The following HMCN2 variants were observed in gnomAD, a reference collection of about 807,000 sequenced individuals.
HMCN2 encodes hemicentin-2.
In HMCN2, 325 loss-of-function variants were observed where a neutral mutation model predicts 377.5. The ratio of observed to expected loss-of-function variants is 0.86; its 90% CI spans 0.79 to 0.94. The LOEUF (loss-of-function observed/expected upper bound fraction) is 0.94. HMCN2 is among the 40% of genes least tolerant of loss of function. The pLI, the probability that HMCN2 is intolerant of heterozygous loss-of-function variation, is 0.00. For synonymous variants in HMCN2, 2,007 were observed against 2,046.8 expected (o/e 0.98, Z 0.53); for missense variants, 4,543 against 4,725.3 (o/e 0.96, Z 1.13).
chr9:130,395,243 C>G lies in HMCN2; in HGVS notation c.10807C>G (p.Arg3603Gly). 1.6e-6 allele frequency: 2 copies of G among 1,289,394 alleles called. No individual in the cohort carries two copies. Among genetic ancestry groups the G allele is most frequent in the Non-Finnish European group, 2.0e-6 (2 of 988,680 alleles). The allele number at this position is 1,289,394 out of a possible 1,614,324, so 79.9% of individuals were successfully genotyped here. ...AAACATTGTTGGGCCCCGAGGCCCCCGCTTTGTGGTCGGCCTGGCCCCAGG... is the reference window on the plus strand; with the variant it reads ...AAACATTGTTGGGCCCCGAGGCCCCGGCTTTGTGGTCGGCCTGGCCCCAGG... ...PPNIVGPRGP[R>G]FVVGLAPGQL... The change falls in exon 71 of 98, where the codon CGC (arginine) becomes GGC (glycine). Residue 3603 changes from arginine (R) to glycine (G), a missense_variant. By Grantham distance (125) the Arg-to-Gly change is moderately radical. Coordinates refer to ENST00000683500, the MANE Select transcript of HMCN2 (RefSeq NM_001291815.2).
In HMCN2 at chr9:130,304,418, T is replaced by G. The variant is rs1380550226; in HGVS notation, c.1544-312T>G. Among the ~76,000 whole-genome samples the G allele has an allele frequency of 6.6e-6, 1 of 152,216 alleles. No individual in the cohort carries two copies. The highest frequency in any genetic ancestry group is 1.5e-5 in the Non-Finnish European group (1 of 68,036). On this transcript the variant is annotated intron_variant, in intron 10 of 97. Coordinates refer to ENST00000683500, the MANE Select transcript of HMCN2 (RefSeq NM_001291815.2). The surrounding 1 kb of genome is among the most constrained non-coding windows in gnomAD (Gnocchi z 4.3). ...AGGCTTTATTCCTCAGCGTGGCATC[T>G]TCAGCTCGGAGGCATGAAGATGGGT...
At chr9:130,420,020 T>G (rs1369953151) in intron 86 of HMCN2, among the ~76,000 whole-genome samples, 1 of 151,372 alleles carries the variant, frequency 6.6e-6, no homozygotes, top group Non-Finnish European at 1.5e-5. Flanking sequence ...GAGTTAGCCT[T>G]GGGTCTAAGC....
chr9:130,351,580 G>C lies in HMCN2; in HGVS notation c.4585+3G>C, dbSNP rs1203716357. The C allele has an allele frequency of 7.7e-7, 1 of 1,301,350 alleles. No individual in the cohort carries two copies. Among genetic ancestry groups the C allele is most frequent in the Non-Finnish European group, 1.0e-6 (1 of 987,032 alleles). 80.6% of individuals were successfully genotyped at this position (1,301,350 alleles called of 1,614,324 possible). A position where few individuals can be genotyped will look rare whatever the true frequency, so the allele number is the denominator to read the frequency against. Reference sequence around the variant, plus strand: ...GGACTTCCAGCTCCGAGTTCATGGTGAGCCCCCACGCCTTCTGGGACCCCG... The same window carrying C: ...GGACTTCCAGCTCCGAGTTCATGGTCAGCCCCCACGCCTTCTGGGACCCCG... On this transcript the variant is annotated splice_donor_region_variant and intron_variant, in intron 30 of 97. Coordinates refer to ENST00000683500, the MANE Select transcript of HMCN2 (RefSeq NM_001291815.2). The surrounding 1 kb of genome is among the most constrained non-coding windows in gnomAD (Gnocchi z 5.4).
At chr9:130,396,575 C>T (rs1308327497) in intron 73 of HMCN2, among the ~76,000 whole-genome samples, 1 of 152,198 alleles carries the variant, frequency 6.6e-6, no homozygotes, top group African/African-American at 2.4e-5. Context: ...CTCTCAGCTT[C>T]TCTCTGTGTA....
chr9:130,418,770 A>T lies in HMCN2; in HGVS notation c.12962-2A>T. ...CCTAAAAGCCACCTGGGCCTCCCAC[A>T]GGTGCTCCGGTGTTCCAGGTGGAGC... On this transcript the variant is annotated splice_acceptor_variant, in intron 85 of 97. Coordinates refer to ENST00000683500, the MANE Select transcript of HMCN2 (RefSeq NM_001291815.2). LOFTEE classifies it high-confidence loss of function. 1.4e-6 allele frequency: 2 copies of T among 1,412,356 alleles called. No homozygotes were observed. Among genetic ancestry groups the T allele is most frequent in the Non-Finnish European group, 1.9e-6 (2 of 1,074,318 alleles). 87.5% of individuals were successfully genotyped at this position (1,412,356 alleles called of 1,614,324 possible).
Position 130,304,669 on chromosome 9 carries a change from G to C in HMCN2, c.1544-61G>C, listed in dbSNP as rs139809772. ...GGGGTTCTGGGCAGCACCAGGGCTT[G>C]CACGATGACCCCCTCCCTTGCCTCA... is the stretch of plus-strand genomic sequence containing the variant. On this transcript the variant is annotated intron_variant, in intron 10 of 97. Transcript: ENST00000683500. The surrounding 1 kb of genome is among the most constrained non-coding windows in gnomAD (Gnocchi z 4.3). 2.4e-6 allele frequency: 1 copy of C among 415,386 alleles called. No individual in the cohort carries two copies. Among genetic ancestry groups the C allele is most frequent in the East Asian group, 7.2e-5 (1 of 13,848 alleles). 25.7% of individuals were successfully genotyped at this position (415,386 alleles called of 1,614,324 possible).
intron 75 of HMCN2, 21 bp downstream of exon 75, chr9:130,398,728 G>T (rs934670076): frequency 3.0e-5 from 39 of 1,286,228 alleles, no homozygotes; most frequent in Non-Finnish European, 4.0e-5. Flanking sequence ...GGACTTTGCG[G>T]TGGCTTCCTG....
chr9:130,376,723 A>C lies in HMCN2; in HGVS notation c.8061+65A>C, dbSNP rs956197453. 5.2e-6 allele frequency: 5 copies of C among 963,672 alleles called. No homozygotes were observed. The Admixed American group carries it at 1.8e-4, about 36-fold the overall frequency. 59.7% of individuals were successfully genotyped at this position (963,672 alleles called of 1,614,324 possible). A position where few individuals can be genotyped will look rare whatever the true frequency, so the allele number is the denominator to read the frequency against. On this transcript the variant is annotated intron_variant, in intron 52 of 97. Transcript: ENST00000683500. Reference sequence around the variant, plus strand: ...TCTGCTTCCGGCTGGTTCTGCTTGGAACCTTCCAGAAAAGGCTTCCCTTAA... The same window carrying C: ...TCTGCTTCCGGCTGGTTCTGCTTGGCACCTTCCAGAAAAGGCTTCCCTTAA...
At chr9:130,382,995 C>A in intron 56 of HMCN2, 129 bp downstream of exon 56, 2 of 483,610 alleles carry the variant, frequency 4.1e-6, no homozygotes, top group Non-Finnish European at 5.4e-6. Context: ...GGAGCCCAGC[C>A]AAGAATCACC....
At chr9:130,431,583 G>A in intron 96 of HMCN2, 97 bp downstream of exon 96, 1 of 1,467,110 alleles carries the variant, frequency 6.8e-7, no homozygotes, top group South Asian at 1.3e-5. Flanking sequence ...GTTCACTCCA[G>A]CCCCTTCACA....
chr9:130,411,195 TC>T (rs148010667), intron 85 of HMCN2, among the ~76,000 whole-genome samples: 8,075 of 151,624 alleles, frequency 0.053, 249 homozygotes, highest in Middle Eastern at 0.11. Context: ...ATAATCACTG[TC>T]CTGGATTCTG....
Position 130,295,014 on chromosome 9 carries a change from C to G in HMCN2, c.772C>G (p.Gln258Glu), listed in dbSNP as rs576909031. ...TGGGCCAGGGCCTGAGATTGAAGTC[C>G]AAGATCCGCTGGGTATGGACCACCC... Reference protein sequence around the residue: ...LSGPGPEIEVQDPLGRILQED... With the variant: ...LSGPGPEIEVEDPLGRILQED... The change falls in exon 5 of 98, where the codon CAA (glutamine) becomes GAA (glutamate). Residue 258 changes from glutamine (Q) to glutamate (E), a missense_variant. By Grantham distance (29) the Gln-to-Glu change is conservative (BLOSUM62 2). This residue lies in a region of HMCN2 where 547 missense variants were observed against 189.9 expected (regional missense o/e 2.88). Coordinates refer to ENST00000683500, the MANE Select transcript of HMCN2 (RefSeq NM_001291815.2). The G allele has an allele frequency of 2.1e-6, 1 of 469,444 alleles. No homozygotes were observed. Among genetic ancestry groups the G allele is most frequent in the South Asian group, 1.6e-5 (1 of 64,204 alleles). 29.1% of individuals were successfully genotyped at this position (469,444 alleles called of 1,614,324 possible). A position where few individuals can be genotyped will look rare whatever the true frequency, so the allele number is the denominator to read the frequency against.
intron 62 of HMCN2, 29 bp downstream of exon 62, chr9:130,388,569 C>T (rs199949468): frequency 3.4e-5 from 34 of 987,770 alleles, no homozygotes; most frequent in East Asian, 3.4e-4. Flanking sequence ...GTCTGTTTCG[C>T]GTAAAGCATT....
chr9:130,289,032 C>T (rs1289272096), intron 4 of HMCN2, among the ~76,000 whole-genome samples: 1 of 152,248 alleles, frequency 6.6e-6, no homozygotes, highest in African/African-American at 2.4e-5. Context: ...GCAGACACAG[C>T]TCAACGCACT....
chr9:130,421,992 C>T (rs558421580), intron 86 of HMCN2, among the ~76,000 whole-genome samples: 6 of 152,370 alleles, frequency 3.9e-5, no homozygotes, highest in South Asian at 2.1e-4. Flanking sequence ...AGGAAGCACC[C>T]CCCTGTGCCT....
Position 130,270,803 on chromosome 9 carries a change from C to T in HMCN2, c.259+4666C>T, listed in dbSNP as rs1258934152. ...ATGTTGCCTAGGCCGATGTCAAACT[C>T]CTGGCCTCAAGTGGTCTTCCTGCCT... On this transcript the variant is annotated intron_variant, in intron 1 of 97. Transcript: ENST00000683500. 1.3e-5 allele frequency among the ~76,000 whole-genome samples: 2 copies of T among 148,518 alleles called. 1 individual carries two copies. The highest frequency in any genetic ancestry group is 3.0e-5 in the Non-Finnish European group (2 of 66,144).
intron 3 of HMCN2, among the ~76,000 whole-genome samples, chr9:130,285,556 T>C (rs1407448382): frequency 6.6e-6 from 1 of 152,228 alleles, no homozygotes; most frequent in African/African-American, 2.4e-5. Context: ...CTGGCGCAGC[T>C]TGTTCCTGTT....
At chr9:130,416,100 A>AC (rs1843674156) in intron 85 of HMCN2, among the ~76,000 whole-genome samples, 1 of 130,736 alleles carries the variant, frequency 7.6e-6, no homozygotes, top group South Asian at 2.4e-4. Flanking sequence ...TAGAGGCTTT[A>AC]TTTTTTTTTT....
At chr9:130,376,730 C>T (rs1841402577) in intron 52 of HMCN2, 72 bp downstream of exon 52, 1 of 933,622 alleles carries the variant, frequency 1.1e-6, no homozygotes, top group Non-Finnish European at 1.3e-6. Context: ...TGGAACCTTC[C>T]AGAAAAGGCT....
Sources: allele counts gnomAD v4.1 joint callset (sites outside exome capture counted in the v4.1 genomes callset), GRCh38; gene constraint gnomAD v4.1.1; regional missense constraint gnomAD v4.1.1; non-coding constraint Gnocchi (gnomAD v3.1); transcripts MANE v1.5; gene names NCBI Gene and HGNC (gene_info 2026-07-23, HGNC 2026-07-21).